The following RANBP2 variants were observed in gnomAD, a reference collection of about 807,000 sequenced individuals.
RANBP2 encodes the protein E3 SUMO-protein ligase RanBP2.
In RANBP2, 57 loss-of-function variants were observed where a neutral mutation model predicts 303.6. That is an observed-to-expected ratio of 0.19 (90% CI 0.15 to 0.23). RANBP2 has a LOEUF of 0.23. RANBP2 is among the 10% of genes least tolerant of loss of function. RANBP2 has a pLI of 1.00. For synonymous variants in RANBP2, 1,167 were observed against 1,301.5 expected, an observed-to-expected ratio of 0.90 and a Z score of 2.23; for missense variants, 3,138 against 3,780.8, an observed-to-expected ratio of 0.83 and a Z score of 4.46.
the RANBP2 span, among the ~76,000 whole-genome samples, chr2:109,663,730 G>A: frequency 6.6e-6 from 1 of 152,158 alleles, no homozygotes; most frequent in African/African-American, 2.4e-5. Flanking sequence ...TTAAGGCCAG[G>A]AACACTTGAG....
chr2:109,344,455 G>T, the RANBP2 span, among the ~76,000 whole-genome samples: 2 of 152,186 alleles, frequency 1.3e-5, no homozygotes, highest in East Asian at 3.9e-4. Flanking sequence ...GCCGTGGCTG[G>T]GCAGGTATGC....
At chr2:109,142,844 T>G in the RANBP2 span, among the ~76,000 whole-genome samples, 39 of 152,184 alleles carry the variant, frequency 2.6e-4, no homozygotes, top group African/African-American at 9.2e-4. Flanking sequence ...TGGGACGTTT[T>G]CACTCTCTAA....
the RANBP2 span, among the ~76,000 whole-genome samples, chr2:109,446,293 C>A: frequency 6.6e-6 from 1 of 152,186 alleles, no homozygotes; most frequent in Non-Finnish European, 1.5e-5. Flanking sequence ...CAGAGACTCA[C>A]TCTTTTATTC....
the RANBP2 span, among the ~76,000 whole-genome samples, chr2:108,936,029 C>T: frequency 6.6e-6 from 1 of 152,226 alleles, no homozygotes; most frequent in Non-Finnish European, 1.5e-5. Context: ...GCCGTCCTCC[C>T]TACTGGTCAC....
chr2:109,220,445 A>G, the RANBP2 span, among the ~76,000 whole-genome samples: 2 of 152,222 alleles, frequency 1.3e-5, no homozygotes, highest in African/African-American at 4.8e-5. Flanking sequence ...TCAAAACGCA[A>G]AAGTTTTGTG....
chr2:109,639,389 G>C, the RANBP2 span, among the ~76,000 whole-genome samples: 4 of 152,130 alleles, frequency 2.6e-5, no homozygotes, highest in Non-Finnish European at 5.9e-5. Context: ...GGGAGGCCAA[G>C]GTGGGCAGAT....
the RANBP2 span, among the ~76,000 whole-genome samples, chr2:109,450,797 G>A: frequency 6.6e-6 from 1 of 152,234 alleles, no homozygotes; most frequent in Admixed American, 6.5e-5. Flanking sequence ...GCCACTCTGT[G>A]TATTGGCCTT....
At chr2:109,282,592 G>A in the RANBP2 span, among the ~76,000 whole-genome samples, 7 of 152,192 alleles carry the variant, frequency 4.6e-5, no homozygotes, top group East Asian at 3.9e-4. Flanking sequence ...GGAGAACGGC[G>A]CACAGAGCCA....
At chr2:109,604,252 G>A in the RANBP2 span, among the ~76,000 whole-genome samples, 1 of 150,584 alleles carries the variant, frequency 6.6e-6, no homozygotes, top group African/African-American at 2.4e-5. Context: ...GCTGAGACAG[G>A]AGAATTGCTT....
the RANBP2 span, among the ~76,000 whole-genome samples, chr2:109,018,140 G>A: frequency 6.6e-6 from 1 of 152,194 alleles, no homozygotes; most frequent in African/African-American, 2.4e-5. Flanking sequence ...GACAGAGTCG[G>A]GCAGGTTAGG....
chr2:109,128,148 G>A, the RANBP2 span: 1 of 152,252 alleles, frequency 6.6e-6, no homozygotes, highest in Non-Finnish European at 1.5e-5. Context: ...ACGCAAAGCG[G>A]CCACGAGGGG....
At chr2:108,948,259 T>C in the RANBP2 span, among the ~76,000 whole-genome samples, 1 of 152,224 alleles carries the variant, frequency 6.6e-6, no homozygotes, top group Admixed American at 6.5e-5. Context: ...ATTGTCCATA[T>C]CACTATTGGC....
the RANBP2 span, among the ~76,000 whole-genome samples, chr2:109,341,523 T>C: frequency 6.6e-5 from 10 of 152,192 alleles, no homozygotes; most frequent in Admixed American, 1.3e-4. Context: ...TAAATACACC[T>C]GAGACTTCCT....
At chr2:109,615,511 G>T in the RANBP2 span, 3 of 1,613,782 alleles carry the variant, frequency 1.9e-6, no homozygotes, top group Non-Finnish European at 2.5e-6. Context: ...ACGAGCGGGG[G>T]TTACACCGCC....
downstream of RANBP2, chr2:108,786,746 T>G (rs910565231): frequency 5.2e-6 from 7 of 1,356,560 alleles, no homozygotes; most frequent in African/African-American, 8.7e-5. Context: ...TGGCACGTCG[T>G]GACGCACTGC....
intron 8 of RANBP2, among the ~76,000 whole-genome samples, chr2:108,747,671 T>A (rs895098187): frequency 2.6e-5 from 4 of 152,200 alleles, no homozygotes; most frequent in East Asian, 1.9e-4. Flanking sequence ...GTATTTTTTT[T>A]AATGTCTTTG....
At chr2:108,907,942 T>C in the RANBP2 span, 1 of 1,613,562 alleles carries the variant, frequency 6.2e-7, no homozygotes, top group Non-Finnish European at 8.5e-7. Context: ...GGAGCCCTGC[T>C]TGTCAGGGGC....
chr2:109,167,987 A>T, the RANBP2 span, among the ~76,000 whole-genome samples: 4 of 152,204 alleles, frequency 2.6e-5, no homozygotes. Context: ...GAACATAGTG[A>T]TACAAGGTGA....
At chr2:109,577,787 A>C in the RANBP2 span, among the ~76,000 whole-genome samples, 140 of 150,130 alleles carry the variant, frequency 9.3e-4, 1 homozygote, top group African/African-American at 3.4e-3. Flanking sequence ...GTGGTGTGTG[A>C]CTGCAGTACC....
Sources: gnomAD v4.1 joint callset for allele counts (sites outside exome capture counted in the v4.1 genomes callset) on GRCh38, gnomAD v4.1.1 for gene constraint, MANE v1.5 for transcripts, NCBI Gene and HGNC (gene_info 2026-07-23, HGNC 2026-07-21) for gene names.